The following PCDH9 variants were observed in gnomAD, a reference collection of about 807,000 sequenced individuals.
The protein encoded by PCDH9 is protocadherin-9.
In PCDH9, 24 loss-of-function variants were observed where a neutral mutation model predicts 70.6. That is an observed-to-expected ratio of 0.34 (90% CI 0.25 to 0.48). PCDH9 has a LOEUF of 0.48. PCDH9 is among the 20% of genes least tolerant of loss of function. The probability of loss-of-function intolerance (pLI) is 0.99; values close to 1 mark genes in which losing one functional copy is unlikely to be tolerated. For synonymous variants in PCDH9, 562 were observed against 558.5 expected (o/e 1.01, Z -0.09); for missense variants, 1,281 against 1,503.6 (o/e 0.85, Z 2.45).
At chr13:66,605,251 C>A (rs113731237) in intron 4 of PCDH9, among the ~76,000 whole-genome samples, 13 of 152,074 alleles carry the variant, frequency 8.5e-5, no homozygotes, top group African/African-American at 3.1e-4. Flanking sequence ...CCAGTAGGGA[C>A]CCAAGTGTTG....
chr13:66,440,549 A>G (rs1430901031), intron 4 of PCDH9, among the ~76,000 whole-genome samples: 1 of 152,072 alleles, frequency 6.6e-6, no homozygotes, highest in Non-Finnish European at 1.5e-5. Flanking sequence ...ATAGTCTGCA[A>G]TATGATTTAT....
intron 2 of PCDH9, among the ~76,000 whole-genome samples, chr13:67,085,134 T>C (rs1235122365): frequency 6.6e-6 from 1 of 150,728 alleles, no homozygotes; most frequent in Non-Finnish European, 1.5e-5. Flanking sequence ...AAAATTTCAT[T>C]CTCTATGTTT....
chr13:66,463,729 C>A (rs1010227529), intron 4 of PCDH9, among the ~76,000 whole-genome samples: 1 of 151,638 alleles, frequency 6.6e-6, no homozygotes, highest in African/African-American at 2.4e-5. Flanking sequence ...CCCTTATATC[C>A]TTATAGGCAA....
chr13:67,203,044 A>T (rs2089255839), intron 2 of PCDH9: 1 of 152,178 alleles, frequency 6.6e-6, no homozygotes, highest in Non-Finnish European at 1.5e-5. Flanking sequence ...CCTTGATGGT[A>T]GCAAAGCAGT....
intron 4 of PCDH9, among the ~76,000 whole-genome samples, chr13:66,568,436 C>T (rs768361311): frequency 2.3e-4 from 34 of 150,660 alleles, no homozygotes; most frequent in African/African-American, 6.1e-4. Flanking sequence ...CACACGCACA[C>T]GCACACACAC....
At chr13:66,414,208 G>C (rs1239319452) in intron 4 of PCDH9, among the ~76,000 whole-genome samples, 1 of 152,100 alleles carries the variant, frequency 6.6e-6, no homozygotes, top group Non-Finnish European at 1.5e-5. Flanking sequence ...TGATCAACTT[G>C]CTTTCATGTG....
intron 2 of PCDH9, chr13:67,001,761 T>C (rs1205164826): frequency 6.6e-6 from 1 of 152,206 alleles, no homozygotes; most frequent in Admixed American, 6.5e-5. Context: ...GAGACCATCT[T>C]TGTCACTCCC....
At chr13:66,345,252 A>T (rs1956195051) in intron 4 of PCDH9, among the ~76,000 whole-genome samples, 1 of 152,164 alleles carries the variant, frequency 6.6e-6, no homozygotes, top group Admixed American at 6.6e-5. Flanking sequence ...TATTTCTCTC[A>T]GATGATATAT....
At chr13:67,065,903 C>T (rs2085637242) in intron 2 of PCDH9, among the ~76,000 whole-genome samples, 1 of 152,008 alleles carries the variant, frequency 6.6e-6, no homozygotes, top group African/African-American at 2.4e-5. Context: ...AAAGAAAAAT[C>T]AGTACATGTT....
chr13:66,611,170 TCTTTC>T (rs1311102356), intron 4 of PCDH9, among the ~76,000 whole-genome samples: 1 of 152,182 alleles, frequency 6.6e-6, no homozygotes, highest in African/African-American at 2.4e-5. Flanking sequence ...ATGCTTTAAT[TCTTTC>T]CTTTCATTGA....
intron 4 of PCDH9, among the ~76,000 whole-genome samples, chr13:66,528,591 G>A (rs1393009489): frequency 6.6e-6 from 1 of 152,082 alleles, no homozygotes; most frequent in African/African-American, 2.4e-5. Flanking sequence ...TTGTATTACT[G>A]TGTGGAATAT....
intron 4 of PCDH9, among the ~76,000 whole-genome samples, chr13:66,384,691 G>A (rs1413959102): frequency 3.3e-5 from 5 of 152,126 alleles, no homozygotes; most frequent in Non-Finnish European, 5.9e-5. Context: ...TTGAGGTGGA[G>A]TTTCACTCTG....
At chr13:66,825,598 G>A (rs935691971) in intron 3 of PCDH9, among the ~76,000 whole-genome samples, 10 of 151,904 alleles carry the variant, frequency 6.6e-5, no homozygotes, top group Non-Finnish European at 1.3e-4. Context: ...GCCTCCCAAA[G>A]TGCTGGGATT....
At chr13:66,522,873 G>GT (rs1414790387) in intron 4 of PCDH9, among the ~76,000 whole-genome samples, 2 of 151,912 alleles carry the variant, frequency 1.3e-5, no homozygotes, top group Admixed American at 6.6e-5. Context: ...TATTGTTGTT[G>GT]TTTTTTTAAC....
intron 4 of PCDH9, among the ~76,000 whole-genome samples, chr13:66,480,192 G>A (rs1664339742): frequency 6.6e-6 from 1 of 152,178 alleles, no homozygotes; most frequent in Admixed American, 6.5e-5. Context: ...TTTTAGTGGA[G>A]GAAGGAACTG....
At chr13:67,208,543 A>T (rs987396246) in intron 2 of PCDH9, 3 of 152,142 alleles carry the variant, frequency 2.0e-5, no homozygotes, top group Admixed American at 6.6e-5. Flanking sequence ...ACAATTTTTG[A>T]TTAGGAAACA....
chr13:66,524,476 T>C (rs1047495204), intron 4 of PCDH9, among the ~76,000 whole-genome samples: 3 of 152,108 alleles, frequency 2.0e-5, no homozygotes, highest in Non-Finnish European at 4.4e-5. Context: ...GCGTCCTTTC[T>C]GCTGAAGAAA....
chr13:66,567,508 T>C (rs779879376), intron 4 of PCDH9, among the ~76,000 whole-genome samples: 1 of 152,176 alleles, frequency 6.6e-6, no homozygotes, highest in Non-Finnish European at 1.5e-5. Flanking sequence ...ATCTGTCTGC[T>C]AATAAATAAA....
At chr13:66,758,060 ATGT>A (rs1490050622) in intron 3 of PCDH9, among the ~76,000 whole-genome samples, 4 of 152,088 alleles carry the variant, frequency 2.6e-5, no homozygotes, top group Non-Finnish European at 4.4e-5. Context: ...AATACGCAAA[ATGT>A]TGTTTATTAT....
Sources: allele counts gnomAD v4.1 joint callset (sites outside exome capture counted in the v4.1 genomes callset), GRCh38; gene constraint gnomAD v4.1.1; transcripts MANE v1.5; gene names NCBI Gene and HGNC (gene_info 2026-07-23, HGNC 2026-07-21).